COL11A1: variants seen among roughly 807,000 people sequenced by gnomAD.
The protein encoded by COL11A1 is collagen alpha-1(XI) chain.
COL11A1 carries 74 observed loss-of-function variants against 265.2 expected under a neutral mutation model. The ratio of observed to expected loss-of-function variants is 0.28; its 90% confidence interval spans 0.23 to 0.34. COL11A1 has a LOEUF of 0.34. Among genes scored for constraint, COL11A1 ranks in the 10% least tolerant of loss-of-function variants. The pLI, the probability that COL11A1 is intolerant of heterozygous loss-of-function variation, is 1.00. For synonymous variants in COL11A1, 816 were observed against 727.6 expected (o/e 1.12, Z -1.96); for missense variants, 2,165 against 2,263.6 (o/e 0.96, Z 0.88).
chr1:103,005,605 T>C (rs1363450307), intron 18 of COL11A1, among the ~76,000 whole-genome samples: 1 of 152,186 alleles, frequency 6.6e-6, no homozygotes, highest in Admixed American at 6.5e-5. Context: ...AAGATTCTGA[T>C]TCAATTTATG....
intron 1 of COL11A1, among the ~76,000 whole-genome samples, chr1:103,101,821 C>T (rs1674293896): frequency 6.6e-6 from 1 of 151,768 alleles, no homozygotes; most frequent in African/African-American, 2.4e-5. Flanking sequence ...TTTTAGTTCT[C>T]AATTGTCAAG....
At position 102,919,891 on chromosome 1, in the gene COL11A1, C is replaced by T. The variant is rs147192008; in HGVS notation, c.3762+420G>A. 2.8e-4 allele frequency among the ~76,000 whole-genome samples: 43 copies of T among 152,056 alleles called. No individual in the cohort carries two copies. The East Asian group carries it at 8.3e-3, about 29-fold the overall frequency. Reference sequence around the variant, plus strand: ...TGTGGCTTGCAGGATTCCTTTTTCCCTTTAAGTCAGTTACATCAACCAATC... The same window carrying T: ...TGTGGCTTGCAGGATTCCTTTTTCCTTTTAAGTCAGTTACATCAACCAATC... On this transcript the variant is annotated intron_variant, in intron 49 of 66. Coordinates refer to ENST00000370096, the MANE Select transcript of COL11A1 (RefSeq NM_001854.4).
chr1:102,889,762 T>G (rs148800226), intron 58 of COL11A1, among the ~76,000 whole-genome samples, 200 bp from the exon 59 acceptor site: 1 of 152,272 alleles, frequency 6.6e-6, no homozygotes, highest in African/African-American at 2.4e-5. Context: ...TACTGCTTAC[T>G]TTAAGTGAGG....
At chr1:102,945,936 AACAATGATAG>A (rs1311089155) in intron 42 of COL11A1, among the ~76,000 whole-genome samples, 3 of 150,530 alleles carry the variant, frequency 2.0e-5, no homozygotes, top group African/African-American at 7.3e-5. Flanking sequence ...CCAAATGTCC[AACAATGATAG>A]ACTGGATTAA....
At chr1:103,019,927 T>G (rs977939331) in intron 9 of COL11A1, among the ~76,000 whole-genome samples, 3 of 149,040 alleles carry the variant, frequency 2.0e-5, no homozygotes, top group African/African-American at 7.4e-5. Flanking sequence ...CTCATCATTT[T>G]TTATGGCTGC....
chr1:102,958,148 T>C (rs1660548245), intron 41 of COL11A1, among the ~76,000 whole-genome samples: 1 of 152,126 alleles, frequency 6.6e-6, no homozygotes, highest in African/African-American at 2.4e-5. Flanking sequence ...ATATACATTA[T>C]AAAATGAATT....
At chr1:102,994,691 T>C (rs1437017874) in intron 28 of COL11A1, among the ~76,000 whole-genome samples, 1 of 152,154 alleles carries the variant, frequency 6.6e-6, no homozygotes, top group East Asian at 1.9e-4. Flanking sequence ...CCTACCAATA[T>C]TTATGCTATG....
At chr1:102,881,881 A>G in intron 64 of COL11A1, 116 bp from the exon 65 acceptor site, 2 of 791,796 alleles carry the variant, frequency 2.5e-6, no homozygotes, top group Non-Finnish European at 4.1e-6. Flanking sequence ...AGTGCTTAAA[A>G]TCGTTTTAAA....
chr1:103,047,138 G>T (rs1001888323), intron 4 of COL11A1, among the ~76,000 whole-genome samples: 1 of 152,132 alleles, frequency 6.6e-6, no homozygotes, highest in Non-Finnish European at 1.5e-5. Flanking sequence ...TTCCAATTCT[G>T]TGTAGAAAGT....
chr1:102,993,770 C>T lies in COL11A1; in HGVS notation c.2340+2094G>A, dbSNP rs183120924. Among the ~76,000 whole-genome samples, 504 of 152,288 alleles carry T rather than the reference C, an allele frequency of 3.3e-3. 1 individual carries two copies. Among genetic ancestry groups the T allele is most frequent in the Non-Finnish European group, 5.5e-3 (373 of 68,026 alleles). On this transcript the variant is annotated intron_variant, in intron 28 of 66. Coordinates refer to ENST00000370096, the MANE Select transcript of COL11A1 (RefSeq NM_001854.4). ...CCCAGGCTGGTCTTGAACTACTGGG[C>T]TCAAACAATTCTACTGCCTTAGCCA...
rs377501992 is a variant in COL11A1 at position 103,032,987 on chromosome 1, T to C, written c.652-1743A>G. ...CACTACTAATTGCAGAAAAATTTCA[T>C]GACACCTAAAAGTTACCCTGCAACC... On this transcript the variant is annotated intron_variant, in intron 4 of 66. Coordinates refer to ENST00000370096, the MANE Select transcript of COL11A1 (RefSeq NM_001854.4). 1.1e-4 allele frequency among the ~76,000 whole-genome samples: 16 copies of C among 152,268 alleles called. No homozygotes were observed. In the East Asian group the frequency reaches 2.9e-3, roughly 28 times the overall value.
chr1:103,054,569 G>A (rs1013023004), intron 4 of COL11A1, among the ~76,000 whole-genome samples: 7 of 151,784 alleles, frequency 4.6e-5, no homozygotes, highest in Non-Finnish European at 1.0e-4. Flanking sequence ...AAAAAAGGGT[G>A]TTTTGTTGTT....
At chr1:102,967,895 G>A (rs1040354125) in intron 37 of COL11A1, among the ~76,000 whole-genome samples, 13 of 152,176 alleles carry the variant, frequency 8.5e-5, no homozygotes, top group African/African-American at 3.1e-4. Flanking sequence ...ATACTTAATT[G>A]CAGAAAGTCT....
rs1049878082 is a variant in COL11A1 at position 102,931,246 on chromosome 1, C to T, written c.3600+3203G>A. Among the ~76,000 whole-genome samples, 12 of 151,290 alleles carry T rather than the reference C, an allele frequency of 7.9e-5. No homozygotes were observed. The South Asian group carries it at 2.1e-3, about 27-fold the overall frequency. ...TGGGCATTTAGTGCTATAAATTTCC[C>T]TCTACCCACTGCTTTGAATGCGTCC... On this transcript the variant is annotated intron_variant, in intron 46 of 66. Coordinates refer to ENST00000370096, the MANE Select transcript of COL11A1 (RefSeq NM_001854.4).
chr1:103,049,287 A>T (rs1258333385), intron 4 of COL11A1, among the ~76,000 whole-genome samples: 9 of 152,132 alleles, frequency 5.9e-5, no homozygotes, highest in Admixed American at 6.5e-5. Flanking sequence ...GTGCTCCTGT[A>T]TTGGGTGCAT....
chr1:103,021,257 T>A (rs533206211), intron 9 of COL11A1, among the ~76,000 whole-genome samples: 1 of 151,808 alleles, frequency 6.6e-6, no homozygotes, highest in African/African-American at 2.4e-5. Flanking sequence ...AAGTAAAAAA[T>A]ATCATATGAC....
chr1:102,989,083 T>C (rs895283401), intron 29 of COL11A1, among the ~76,000 whole-genome samples: 1 of 152,132 alleles, frequency 6.6e-6, no homozygotes, highest in African/African-American at 2.4e-5. Flanking sequence ...CATTCAAAAA[T>C]TGAACACCAC....
intron 37 of COL11A1, among the ~76,000 whole-genome samples, chr1:102,969,686 C>T (rs115386008): frequency 2.0e-3 from 308 of 152,106 alleles, no homozygotes; most frequent in African/African-American, 6.4e-3. Context: ...ATTTAGTGAC[C>T]GTTTTTGATT....
intron 14 of COL11A1, among the ~76,000 whole-genome samples, chr1:103,012,152 G>T (rs566859942): frequency 6.6e-6 from 1 of 152,142 alleles, no homozygotes; most frequent in Non-Finnish European, 1.5e-5. Flanking sequence ...GATACTTATA[G>T]TTTAAGAAAT....
Sources: allele counts gnomAD v4.1 joint callset (sites outside exome capture counted in the v4.1 genomes callset), GRCh38; gene constraint gnomAD v4.1.1; transcripts MANE v1.5; gene names NCBI Gene and HGNC (gene_info 2026-07-23, HGNC 2026-07-21).